Variants in B3GALT1 observed in about 807,000 individuals in gnomAD.
B3GALT1 encodes the protein beta-1,3-galactosyltransferase 1, also known as UDP-Gal:betaGlcNAc beta 1,3-galactosyltransferase, polypeptide 1.
A neutral mutation model predicts 23.2 loss-of-function variants in B3GALT1; 10 were observed. The ratio of observed to expected loss-of-function variants is 0.43; its 90% confidence interval spans 0.27 to 0.73. The LOEUF (loss-of-function observed/expected upper bound fraction) is 0.73, where lower values mean the gene tolerates loss of function less well. B3GALT1 is among the 30% of genes least tolerant of loss of function. The pLI, the probability that B3GALT1 is intolerant of heterozygous loss-of-function variation, is 0.21. For missense variants in B3GALT1, 299 were observed against 405.4 expected, an observed-to-expected ratio of 0.74 and a Z score of 2.25; for synonymous variants, 156 against 141.5, an observed-to-expected ratio of 1.10 and a Z score of -0.73.
intron 3 of B3GALT1, among the ~76,000 whole-genome samples, chr2:167,723,338 T>C (rs1048901441): frequency 6.6e-6 from 1 of 152,178 alleles, no homozygotes; most frequent in Non-Finnish European, 1.5e-5. Context: ...GGAGTGAAAC[T>C]ACAGGACTTA....
At chr2:167,468,063 T>C (rs907110645) in intron 1 of B3GALT1, among the ~76,000 whole-genome samples, 1 of 152,162 alleles carries the variant, frequency 6.6e-6, no homozygotes, top group African/African-American at 2.4e-5. Context: ...TATTGTTCAG[T>C]AGGAGTCTCC....
At chr2:167,611,575 T>C (rs1268372623) in intron 2 of B3GALT1, among the ~76,000 whole-genome samples, 2 of 152,012 alleles carry the variant, frequency 1.3e-5, no homozygotes, top group Non-Finnish European at 2.9e-5. Context: ...GTATAAAGAT[T>C]ATTTATGGTG....
chr2:167,805,645 T>C (rs1393127131), intron 3 of B3GALT1, among the ~76,000 whole-genome samples: 1 of 152,320 alleles, frequency 6.6e-6, no homozygotes, highest in East Asian at 1.9e-4. Context: ...TGTAGATACG[T>C]GGCATTATTT....
At chr2:167,449,314 T>G (rs916713200) in intron 1 of B3GALT1, among the ~76,000 whole-genome samples, 7 of 152,148 alleles carry the variant, frequency 4.6e-5, no homozygotes, top group African/African-American at 1.7e-4. Flanking sequence ...CTTCCTTGGT[T>G]AGGTATACTC....
intron 3 of B3GALT1, chr2:167,714,971 T>G: frequency 6.2e-7 from 1 of 1,611,662 alleles, no homozygotes; most frequent in South Asian, 1.1e-5. Context: ...GTTTTCTGAC[T>G]GCAAAGATGC....
At chr2:167,603,386 C>T (rs1313968736) in intron 2 of B3GALT1, among the ~76,000 whole-genome samples, 1 of 152,146 alleles carries the variant, frequency 6.6e-6, no homozygotes, top group Non-Finnish European at 1.5e-5. Flanking sequence ...TTAGGAAATT[C>T]AGCAATCTTT....
chr2:167,628,795 C>T (rs967534753), intron 2 of B3GALT1, among the ~76,000 whole-genome samples: 1 of 151,582 alleles, frequency 6.6e-6, no homozygotes, highest in South Asian at 2.1e-4. Context: ...ATTGTATTAA[C>T]TGTAAGCAGT....
chr2:167,479,020 C>T (rs551878162), intron 1 of B3GALT1, among the ~76,000 whole-genome samples: 4 of 151,948 alleles, frequency 2.6e-5, no homozygotes, highest in South Asian at 4.2e-4. Flanking sequence ...TCCTAGGTCG[C>T]GCCACTGCAC....
chr2:167,723,411 A>C (rs1558959857), intron 3 of B3GALT1, among the ~76,000 whole-genome samples: 1 of 152,248 alleles, frequency 6.6e-6, no homozygotes, highest in South Asian at 2.1e-4. Context: ...GATGTATTTT[A>C]AAATGCTGTT....
At chr2:167,631,468 G>A (rs1447921149) in intron 2 of B3GALT1, 1 of 151,766 alleles carries the variant, frequency 6.6e-6, no homozygotes, top group African/African-American at 2.4e-5. Flanking sequence ...TAACCCAATA[G>A]ATAAGTATTT....
chr2:167,815,412 T>G (rs1688976587), intron 3 of B3GALT1, among the ~76,000 whole-genome samples: 2 of 152,230 alleles, frequency 1.3e-5, no homozygotes, highest in East Asian at 3.8e-4. Flanking sequence ...AGTGGCGCTT[T>G]GTGTTTTGTT....
chr2:167,519,502 A>G (rs541196679), intron 2 of B3GALT1, among the ~76,000 whole-genome samples: 3 of 152,228 alleles, frequency 2.0e-5, no homozygotes, highest in African/African-American at 2.4e-5. Flanking sequence ...TATATGTGCC[A>G]TATGTTTTCT....
At chr2:167,722,147 T>C (rs1482238897) in intron 3 of B3GALT1, among the ~76,000 whole-genome samples, 1 of 152,228 alleles carries the variant, frequency 6.6e-6, no homozygotes, top group Non-Finnish European at 1.5e-5. Context: ...CTCGTTTACT[T>C]GGAATCTTTG....
At chr2:167,837,223 A>T (rs1339263464) in intron 4 of B3GALT1, among the ~76,000 whole-genome samples, 1 of 152,230 alleles carries the variant, frequency 6.6e-6, no homozygotes, top group Non-Finnish European at 1.5e-5. Flanking sequence ...ATTAAAAGAC[A>T]CAGACTGGAA....
intron 1 of B3GALT1, among the ~76,000 whole-genome samples, chr2:167,314,665 C>G (rs1287408531): frequency 6.6e-6 from 1 of 152,076 alleles, no homozygotes; most frequent in Admixed American, 6.6e-5. Context: ...AAATAAGACA[C>G]ATTTTATGTG....
At chr2:167,638,566 G>C (rs1012401367) in intron 2 of B3GALT1, among the ~76,000 whole-genome samples, 3 of 151,904 alleles carry the variant, frequency 2.0e-5, no homozygotes, top group African/African-American at 7.2e-5. Flanking sequence ...GGAATGATCT[G>C]GTTGTTAGAG....
chr2:167,326,204 C>A (rs904830500), intron 1 of B3GALT1, among the ~76,000 whole-genome samples: 1 of 122,184 alleles, frequency 8.2e-6, no homozygotes, highest in South Asian at 2.8e-4. Context: ...TTTTTTTTTT[C>A]AGTATACTTG....
intron 3 of B3GALT1, among the ~76,000 whole-genome samples, chr2:167,747,557 T>C (rs1687671251): frequency 6.6e-6 from 1 of 152,178 alleles, no homozygotes; most frequent in South Asian, 2.1e-4. Flanking sequence ...GAAAAACAAC[T>C]AGAGGTTAAA....
chr2:167,575,394 C>T (rs753509938), intron 2 of B3GALT1, among the ~76,000 whole-genome samples: 3 of 151,734 alleles, frequency 2.0e-5, no homozygotes, highest in Non-Finnish European at 4.4e-5. Context: ...GTTTTTAGCT[C>T]TGTGAGGTCT....
Sources: allele counts gnomAD v4.1 joint callset (sites outside exome capture counted in the v4.1 genomes callset), GRCh38; gene constraint gnomAD v4.1.1; transcripts MANE v1.5; gene names NCBI Gene and HGNC (gene_info 2026-07-23, HGNC 2026-07-21).